Variants in PRELID2 observed in about 807,000 individuals in gnomAD.
PRELID2 encodes PRELI domain-containing protein 2.
A neutral mutation model predicts 28.4 loss-of-function variants in PRELID2; 25 were observed. That is an observed-to-expected ratio of 0.88 (90% CI 0.64 to 1.23). The LOEUF is 1.23. Among genes scored for constraint, PRELID2 ranks in the 50% most tolerant of loss-of-function variants. The pLI is 0.00. For synonymous variants in PRELID2, 76 were observed against 71.6 expected, an observed-to-expected ratio of 1.06 and a Z score of -0.31; for missense variants, 201 against 214.4, an observed-to-expected ratio of 0.94 and a Z score of 0.39.
chr5:145,312,159 A>G, the PRELID2 span, among the ~76,000 whole-genome samples: 3 of 151,718 alleles, frequency 2.0e-5, no homozygotes, highest in African/African-American at 7.3e-5. Context: ...CAGCCTGGAC[A>G]ACATGATGAG....
At chr5:145,522,768 GGAGGAGGAGGAAGAGAAGGAAGAA>G (rs1252180569) in intron 1 of PRELID2, among the ~76,000 whole-genome samples, 1 of 151,444 alleles carries the variant, frequency 6.6e-6, no homozygotes, top group African/African-American at 2.4e-5. Flanking sequence ...AGGAGGAGGA[GGAGGAGGAGGAAGAGAAGGAAGAA>G]GAGGAGGAGG....
rs151206450 is a variant in PRELID2, at chr5:145,586,533, G to C, written n.71-113218C>G. Among the ~76,000 whole-genome samples the C allele has an allele frequency of 2.8e-3, 433 of 152,204 alleles. 1 individual carries two copies. The highest frequency in any genetic ancestry group is 9.9e-3 in the African/African-American group (412 of 41,532). On this transcript the variant is annotated intron_variant and non_coding_transcript_variant, in intron 1 of 2. Coordinates refer to the PRELID2 transcript ENST00000510259. ...TGCCCTTCTCAGTACCTAACACATA[G>C]TTTTATAACTGCTGCTAACTTATTA...
chr5:145,571,639 AT>A (rs1653071340), intron 1 of PRELID2, among the ~76,000 whole-genome samples: 1 of 152,142 alleles, frequency 6.6e-6, no homozygotes, highest in African/African-American at 2.4e-5. Context: ...CCAGGAGAGA[AT>A]TAACTAAGAG....
the PRELID2 span, among the ~76,000 whole-genome samples, chr5:145,370,021 G>T: frequency 6.6e-6 from 1 of 151,692 alleles, no homozygotes; most frequent in South Asian, 2.1e-4. Flanking sequence ...CTGGATATGA[G>T]ACCTTTGTCA....
the PRELID2 span, among the ~76,000 whole-genome samples, chr5:145,363,129 AAAAC>A: frequency 6.6e-6 from 1 of 151,854 alleles, no homozygotes; most frequent in East Asian, 1.9e-4. Context: ...AAAAAAAAAA[AAAAC>A]AGAGAAAATG....
At chr5:145,392,122 AC>A in the PRELID2 span, among the ~76,000 whole-genome samples, 3 of 148,244 alleles carry the variant, frequency 2.0e-5, no homozygotes, top group Non-Finnish European at 4.5e-5. Flanking sequence ...GCAGCACCCC[AC>A]TCTCTGTGGT....
the PRELID2 span, among the ~76,000 whole-genome samples, chr5:145,390,251 CA>C: frequency 6.6e-6 from 1 of 152,160 alleles, no homozygotes; most frequent in Non-Finnish European, 1.5e-5. Context: ...ACCCAAAGAA[CA>C]AAATTTACAT....
intron 1 of PRELID2, among the ~76,000 whole-genome samples, chr5:145,831,141 A>C (rs1425935180): frequency 6.6e-6 from 1 of 152,228 alleles, no homozygotes; most frequent in Non-Finnish European, 1.5e-5. Context: ...AAAAAAGCTT[A>C]TGCTTTTCAA....
chr5:145,558,710 T>C (rs1458110873), intron 1 of PRELID2, among the ~76,000 whole-genome samples: 2 of 152,300 alleles, frequency 1.3e-5, no homozygotes, highest in South Asian at 2.1e-4. Context: ...TTTAAAAAAC[T>C]GAAGAGTCTG....
intron 1 of PRELID2, among the ~76,000 whole-genome samples, chr5:145,611,156 G>A (rs1017505394): frequency 2.6e-5 from 4 of 151,862 alleles, no homozygotes; most frequent in East Asian, 1.9e-4. Flanking sequence ...ACTGAGAAAC[G>A]AATTTAGCAA....
the PRELID2 span, among the ~76,000 whole-genome samples, chr5:145,324,257 C>T: frequency 6.6e-6 from 1 of 152,106 alleles, no homozygotes; most frequent in African/African-American, 2.4e-5. Flanking sequence ...AATCCCATCC[C>T]TTTCCTTTCA....
At chr5:145,485,050 T>C (rs1752203571) in intron 1 of PRELID2, among the ~76,000 whole-genome samples, 2 of 152,186 alleles carry the variant, frequency 1.3e-5, no homozygotes, top group Admixed American at 1.3e-4. Flanking sequence ...AACATAGCAA[T>C]ATCCAAACAT....
the PRELID2 span, among the ~76,000 whole-genome samples, chr5:145,441,920 A>G: frequency 1.3e-5 from 2 of 152,102 alleles, no homozygotes; most frequent in African/African-American, 4.8e-5. Context: ...CGATTCAGAC[A>G]AAGTCTGATG....
chr5:145,747,321 C>G (rs181170124), intron 1 of PRELID2, among the ~76,000 whole-genome samples: 13 of 150,224 alleles, frequency 8.7e-5, no homozygotes, highest in African/African-American at 3.2e-4. Context: ...CAAATAGACA[C>G]AATAAAAAAT....
intron 1 of PRELID2, among the ~76,000 whole-genome samples, chr5:145,632,651 G>C (rs1259314309): frequency 6.6e-6 from 1 of 152,150 alleles, no homozygotes; most frequent in Non-Finnish European, 1.5e-5. Flanking sequence ...AAGCAGTTGT[G>C]ACTGGAAAAA....
At chr5:145,329,745 T>C in the PRELID2 span, among the ~76,000 whole-genome samples, 2 of 152,150 alleles carry the variant, frequency 1.3e-5, no homozygotes. Context: ...ACTTGGCTTC[T>C]CTCTCCCTAT....
the PRELID2 span, among the ~76,000 whole-genome samples, chr5:145,315,155 C>T: frequency 3.3e-5 from 5 of 150,466 alleles, no homozygotes; most frequent in Admixed American, 2.0e-4. Flanking sequence ...CTGCAACCTC[C>T]GCCTCCCGGG....
the PRELID2 span, among the ~76,000 whole-genome samples, chr5:145,435,448 G>A: frequency 3.3e-3 from 504 of 152,240 alleles, 3 homozygotes; most frequent in Non-Finnish European, 2.7e-3. Flanking sequence ...TGGGCCCAAG[G>A]GAGTGATGGG....
chr5:145,713,172 G>T (rs1455187275), intron 1 of PRELID2, among the ~76,000 whole-genome samples: 1 of 151,012 alleles, frequency 6.6e-6, no homozygotes, highest in African/African-American at 2.4e-5. Flanking sequence ...ATCAACTACA[G>T]ATCCAAAAAG....
Sources: allele counts gnomAD v4.1 joint callset (sites outside exome capture counted in the v4.1 genomes callset), GRCh38; gene constraint gnomAD v4.1.1; transcripts MANE v1.5; gene names NCBI Gene and HGNC (gene_info 2026-07-23, HGNC 2026-07-21).